Variants in STXBP5L observed in about 807,000 individuals in gnomAD.
STXBP5L encodes the protein syntaxin binding protein 5L.
A neutral mutation model predicts 144.5 loss-of-function variants in STXBP5L; 65 were observed. That is an observed-to-expected ratio of 0.45 (90% CI 0.37 to 0.55). STXBP5L has a LOEUF of 0.55. STXBP5L is among the 20% of genes least tolerant of loss of function. STXBP5L has a pLI of 0.00. For missense variants in STXBP5L, 1,298 were observed against 1,405.5 expected, an observed-to-expected ratio of 0.92 and a Z score of 1.22; for synonymous variants, 505 against 469.6, an observed-to-expected ratio of 1.08 and a Z score of -0.97.
Position 121,242,106 on chromosome 3 carries a change from A to G in STXBP5L, c.1400+1599A>G, listed in dbSNP as rs530153369. 3.9e-5 allele frequency among the ~76,000 whole-genome samples: 6 copies of G among 152,286 alleles called. 1 individual carries two copies. In the South Asian group the frequency reaches 1.2e-3, roughly 32 times the overall value. ...CTATCATTTCCAGATGCAATAAACT[A>G]AAAGAATTTTTCAACACCAAATCTA... On this transcript the variant is annotated intron_variant, in intron 14 of 26. Transcript: ENST00000471454.
chr3:120,995,487 C>T (rs906266105), intron 3 of STXBP5L, among the ~76,000 whole-genome samples: 1 of 151,684 alleles, frequency 6.6e-6, no homozygotes, highest in Non-Finnish European at 1.5e-5. Context: ...TCTTTTCTTA[C>T]CTTCTTGTGC....
At chr3:121,348,165 G>T (rs1303151293) in intron 20 of STXBP5L, among the ~76,000 whole-genome samples, 1 of 151,984 alleles carries the variant, frequency 6.6e-6, no homozygotes. Context: ...TTTTAACATG[G>T]TGTGTTGTTG....
chr3:121,074,698 C>T (rs1403931451), intron 5 of STXBP5L, among the ~76,000 whole-genome samples: 4 of 152,142 alleles, frequency 2.6e-5, no homozygotes, highest in Admixed American at 6.5e-5. Flanking sequence ...GTCTCCATTC[C>T]TTTGTTGTTG....
At chr3:120,925,522 C>T (rs552058725) in intron 2 of STXBP5L, among the ~76,000 whole-genome samples, 1 of 152,078 alleles carries the variant, frequency 6.6e-6, no homozygotes, top group East Asian at 1.9e-4. Flanking sequence ...TATCTTTTTC[C>T]ACCCCTTCAG....
At chr3:120,928,519 C>G (rs1709757290) in intron 2 of STXBP5L, among the ~76,000 whole-genome samples, 1 of 152,134 alleles carries the variant, frequency 6.6e-6, no homozygotes, top group Admixed American at 6.5e-5. Context: ...CCTTGGCCTC[C>G]CAAAGTGCTG....
chr3:121,196,789 C>A (rs956631664), intron 9 of STXBP5L, among the ~76,000 whole-genome samples: 1 of 151,942 alleles, frequency 6.6e-6, no homozygotes, highest in African/African-American at 2.4e-5. Flanking sequence ...CCCACCCGAG[C>A]CTTTCAAGTA....
At chr3:121,360,332 A>G (rs371602749) in intron 20 of STXBP5L, among the ~76,000 whole-genome samples, 10 of 151,628 alleles carry the variant, frequency 6.6e-5, no homozygotes, top group South Asian at 2.1e-4. Flanking sequence ...AGATCAATGG[A>G]TCTTTTTTTA....
chr3:120,925,993 T>C (rs1204326698), intron 2 of STXBP5L, among the ~76,000 whole-genome samples: 1 of 152,212 alleles, frequency 6.6e-6, no homozygotes, highest in African/African-American at 2.4e-5. Context: ...GTTATCTCCA[T>C]TTATGTTTTT....
At chr3:121,270,212 A>G (rs1412976356) in intron 18 of STXBP5L, among the ~76,000 whole-genome samples, 1 of 144,186 alleles carries the variant, frequency 6.9e-6, no homozygotes, top group Non-Finnish European at 1.5e-5. Context: ...CTTTCAGTGT[A>G]TGTTTCCTAA....
intron 3 of STXBP5L, among the ~76,000 whole-genome samples, chr3:120,969,111 G>A (rs1426143320): frequency 6.6e-6 from 1 of 151,958 alleles, no homozygotes; most frequent in East Asian, 1.9e-4. Context: ...TTTAAGGAAC[G>A]TCTATACTGT....
At chr3:121,097,075 C>T (rs954255688) in intron 5 of STXBP5L, among the ~76,000 whole-genome samples, 2 of 152,204 alleles carry the variant, frequency 1.3e-5, no homozygotes, top group African/African-American at 4.8e-5. Flanking sequence ...CTGGCCACAG[C>T]AGCCTTGCTC....
intron 5 of STXBP5L, among the ~76,000 whole-genome samples, chr3:121,067,480 G>T (rs1202364334): frequency 1.3e-5 from 2 of 152,116 alleles, no homozygotes; most frequent in Non-Finnish European, 2.9e-5. Flanking sequence ...ACTGTGGAAA[G>T]ATCATAGTAT....
chr3:121,416,492 TTTATTTATTTATTTA>T (rs1439682291), intron 25 of STXBP5L, among the ~76,000 whole-genome samples: 37 of 137,684 alleles, frequency 2.7e-4, no homozygotes, highest in African/African-American at 9.5e-4. Flanking sequence ...TATTTATTTA[TTTATTTATTTATTTA>T]TTATTTATTT....
At chr3:121,117,335 A>G (rs568291873) in intron 6 of STXBP5L, among the ~76,000 whole-genome samples, 3 of 151,976 alleles carry the variant, frequency 2.0e-5, no homozygotes, top group African/African-American at 7.2e-5. Flanking sequence ...CTGAGAAATT[A>G]TTAGTAAACC....
chr3:120,996,060 C>T (rs1943322587), intron 3 of STXBP5L, among the ~76,000 whole-genome samples: 1 of 152,006 alleles, frequency 6.6e-6, no homozygotes, highest in African/African-American at 2.4e-5. Flanking sequence ...CTTTCAGAAC[C>T]TGAAAAATGT....
chr3:121,346,537 A>G (rs1437372803), intron 20 of STXBP5L, among the ~76,000 whole-genome samples: 1 of 152,156 alleles, frequency 6.6e-6, no homozygotes, highest in Non-Finnish European at 1.5e-5. Flanking sequence ...ACTGTCTTCC[A>G]CAATGGTTGA....
chr3:121,011,669 A>G (rs910852323), intron 3 of STXBP5L, among the ~76,000 whole-genome samples: 1 of 151,858 alleles, frequency 6.6e-6, no homozygotes, highest in Non-Finnish European at 1.5e-5. Flanking sequence ...CTTTTAAAAA[A>G]AAAAAGTTAT....
intron 3 of STXBP5L, among the ~76,000 whole-genome samples, chr3:120,994,275 T>C (rs1467370035): frequency 3.9e-5 from 6 of 152,132 alleles, no homozygotes; most frequent in Admixed American, 2.6e-4. Context: ...TGGATGCCTT[T>C]TATTTTTTTC....
chr3:120,985,655 TTG>T (rs1326675047), intron 3 of STXBP5L, among the ~76,000 whole-genome samples: 1 of 152,016 alleles, frequency 6.6e-6, no homozygotes, highest in Non-Finnish European at 1.5e-5. Context: ...TTGGTAGATT[TTG>T]TGTTTCTAGG....
Sources: allele counts gnomAD v4.1 joint callset (sites outside exome capture counted in the v4.1 genomes callset), GRCh38; gene constraint gnomAD v4.1.1; transcripts MANE v1.5; gene names NCBI Gene and HGNC (gene_info 2026-07-23, HGNC 2026-07-21).